Variants in NCR3LG1 observed in about 807,000 individuals in gnomAD.
NCR3LG1 encodes the protein natural killer cell cytotoxicity receptor 3 ligand 1.
NCR3LG1 carries 35 observed loss-of-function variants against 34.8 expected under a neutral mutation model. The observed-to-expected ratio is 1.01, with a 90% confidence interval of 0.77 to 1.33. The LOEUF (loss-of-function observed/expected upper bound fraction) is 1.33. Among genes scored for constraint, NCR3LG1 ranks in the 40% most tolerant of loss-of-function variants. The pLI is 0.00. For missense variants in NCR3LG1, 452 were observed against 423.3 expected (o/e 1.07, Z -0.60); for synonymous variants, 173 against 163.6 (o/e 1.06, Z -0.44).
intron 3 of NCR3LG1, among the ~76,000 whole-genome samples, chr11:17,368,347 G>T (rs1283876683): frequency 6.6e-6 from 1 of 152,134 alleles, no homozygotes; most frequent in Non-Finnish European, 1.5e-5. Context: ...GGGCTGAGAA[G>T]AGTAAGGAAG....
At chr11:17,369,107 G>T (rs781557278) in intron 4 of NCR3LG1, 143 bp downstream of exon 4, 3 of 605,750 alleles carry the variant, frequency 5.0e-6, no homozygotes, top group South Asian at 2.1e-5. Flanking sequence ...TCAGGTGTTG[G>T]GAATGTTGGC....
At chr11:17,361,789 A>G (rs1478053442) in intron 2 of NCR3LG1, among the ~76,000 whole-genome samples, 2 of 152,092 alleles carry the variant, frequency 1.3e-5, no homozygotes, top group Non-Finnish European at 2.9e-5. Flanking sequence ...TGTTAAAAAT[A>G]CAGTTTTATT....
intron 1 of NCR3LG1, among the ~76,000 whole-genome samples, chr11:17,354,231 A>G (rs1050435636): frequency 3.9e-5 from 6 of 152,374 alleles, no homozygotes; most frequent in Admixed American, 6.5e-5. Context: ...TGAAAAGATA[A>G]ATGCATAAAT....
At position 17,362,765 on chromosome 11, in the gene NCR3LG1, T is replaced by TTTCC. The variant is rs1564856537; in HGVS notation, c.422-4232_422-4229dup. On this transcript the variant is annotated intron_variant, in intron 2 of 4. Transcript: ENST00000338965. ...CTTTCTTTCTTTCTTTCTTTCTTTCTTTCCTTCCTTCCTTCTTTCCTTCTT... is the reference window on the plus strand; with the variant it reads ...CTTTCTTTCTTTCTTTCTTTCTTTCTTTCCTTCCTTCCTTCCTTCTTTCCTTCTT... 9.1e-4 allele frequency among the ~76,000 whole-genome samples: 98 copies of TTTCC among 107,188 alleles called. 2 individuals are homozygous for TTTCC. The highest frequency in any genetic ancestry group is 4.2e-3 in the Admixed American group (44 of 10,454). 70.3% of individuals were successfully genotyped at this position (107,188 alleles called of 152,430 possible). A position where few individuals can be genotyped will look rare whatever the true frequency, so the allele number is the denominator to read the frequency against.
intron 2 of NCR3LG1, among the ~76,000 whole-genome samples, chr11:17,357,974 A>G (rs879513830): frequency 8.5e-5 from 13 of 152,170 alleles, no homozygotes; most frequent in South Asian, 2.1e-4. Context: ...ATGTGCTGGC[A>G]TTACAGGGAT....
At chr11:17,353,277 G>A (rs1348571938) in intron 1 of NCR3LG1, among the ~76,000 whole-genome samples, 1 of 152,254 alleles carries the variant, frequency 6.6e-6, no homozygotes, top group Non-Finnish European at 1.5e-5. Context: ...GAGGGAAGTG[G>A]AAATAAAAAC....
Position 17,368,931 on chromosome 11 carries a change from G to T in NCR3LG1, c.825G>T (p.Leu275=), listed in dbSNP as rs1408534564. 8 of 1,534,624 alleles carry T rather than the reference G, an allele frequency of 5.2e-6. No individual in the cohort carries two copies. The highest frequency in any genetic ancestry group is 6.1e-6 in the Non-Finnish European group (7 of 1,145,754). The part of the protein sequence containing the change: ...WWPISFIGVG[L]VLLIVLIPWK... ...CTATTTCATTCATTGGTGTTGGACT[G>T]GTTTTATTAATTGTTTTGATTCCTT... Residue 275 remains leucine, a synonymous_variant, in exon 4 of 5, where the codon CTG becomes CTT. Transcript: ENST00000338965.
intron 1 of NCR3LG1, among the ~76,000 whole-genome samples, chr11:17,353,638 TGGA>T (rs1432231681): frequency 1.3e-5 from 2 of 152,022 alleles, no homozygotes; most frequent in African/African-American, 4.8e-5. Flanking sequence ...CTGGTGGTGG[TGGA>T]GAAGGGCCGC....
At position 17,375,383 on chromosome 11, in the gene NCR3LG1, A is replaced by G. The variant is rs1953464416; in HGVS notation, c.*2871A>G. 1 of 152,194 alleles carries G rather than the reference A, an allele frequency of 6.6e-6. No homozygotes were observed. The highest frequency in any genetic ancestry group is 6.5e-5 in the Admixed American group (1 of 15,278). The allele number at this position is 152,194 out of a possible 1,614,324, so 9.4% of individuals were successfully genotyped here. A position where few individuals can be genotyped will look rare whatever the true frequency, so the allele number is the denominator to read the frequency against. ...ATGGATGGGAGCTCTTTTGTAGGAC[A>G]GGGAGTCTGAAAAGTGGGATATGCA... On this transcript the variant is annotated 3_prime_UTR_variant, in exon 5 of 5. Coordinates refer to ENST00000338965, the MANE Select transcript of NCR3LG1 (RefSeq NM_001202439.3).
chr11:17,372,948 C>T lies in NCR3LG1; in HGVS notation c.*436C>T, dbSNP rs1343070745. The T allele has an allele frequency of 1.2e-5, 2 of 162,852 alleles. No individual in the cohort carries two copies. Among genetic ancestry groups the T allele is most frequent in the Non-Finnish European group, 2.7e-5 (2 of 74,296 alleles). The allele number at this position is 162,852 out of a possible 1,614,324, so 10.1% of individuals were successfully genotyped here. A position where few individuals can be genotyped will look rare whatever the true frequency, so the allele number is the denominator to read the frequency against. ...GGACCAGAGCCAAGCCTCTTAATTACCCCAAACTCTCCATGATAGATCAAA... is the reference window on the plus strand; with the variant it reads ...GGACCAGAGCCAAGCCTCTTAATTATCCCAAACTCTCCATGATAGATCAAA... On this transcript the variant is annotated 3_prime_UTR_variant, in exon 5 of 5. Coordinates refer to ENST00000338965, the MANE Select transcript of NCR3LG1 (RefSeq NM_001202439.3).
At chr11:17,352,153 C>A in intron 1 of NCR3LG1, 114 bp downstream of exon 1, 43 of 475,338 alleles carry the variant, frequency 9.0e-5, no homozygotes, top group Non-Finnish European at 1.5e-4. Context: ...GCTGAGAGCT[C>A]TATTTTCTTT....
chr11:17,381,021 T>G (rs1483203104), downstream of NCR3LG1: 1 of 152,244 alleles, frequency 6.6e-6, no homozygotes, highest in Non-Finnish European at 1.5e-5. Context: ...ATCAACTCCA[T>G]TAAGTGAGGA....
At position 17,367,353 on chromosome 11, in the gene NCR3LG1, G is replaced by A. The variant is rs1272889160; in HGVS notation, c.760+6G>A. The stretch of plus-strand genomic sequence containing the variant: ...TGCTCGGCACAGTCTTTCTGGTAAG[G>A]GTCTTTCTGGACATTTCTTCTCTTC... On this transcript the variant is annotated splice_donor_region_variant and intron_variant, in intron 3 of 4. Coordinates refer to ENST00000338965, the MANE Select transcript of NCR3LG1 (RefSeq NM_001202439.3). 1 of 1,525,458 alleles carries A rather than the reference G, an allele frequency of 6.6e-7. No homozygotes were observed. Among genetic ancestry groups the A allele is most frequent in the African/African-American group, 1.4e-5 (1 of 72,672 alleles). The allele number at this position is 1,525,458 out of a possible 1,614,324, so 94.5% of individuals were successfully genotyped here.
downstream of NCR3LG1, among the ~76,000 whole-genome samples, chr11:17,378,232 T>C (rs996815389): frequency 6.6e-6 from 1 of 152,098 alleles, no homozygotes; most frequent in African/African-American, 2.4e-5. Flanking sequence ...AAGAAGCATG[T>C]CACTTCTAGA....
intron 2 of NCR3LG1, among the ~76,000 whole-genome samples, chr11:17,360,979 C>T (rs1204609285): frequency 6.6e-6 from 1 of 151,924 alleles, no homozygotes; most frequent in Non-Finnish European, 1.5e-5. Context: ...CGAGTGATCT[C>T]CCCCGTCTCA....
intron 2 of NCR3LG1, among the ~76,000 whole-genome samples, chr11:17,361,234 C>T (rs1015337787): frequency 2.6e-5 from 4 of 151,626 alleles, no homozygotes; most frequent in Non-Finnish European, 5.9e-5. Context: ...AATGGCTTTC[C>T]GGGATTTTGA....
chr11:17,352,177 CTTTTT>C (rs34454730), intron 1 of NCR3LG1, 138 bp downstream of exon 1: 2,842 of 290,956 alleles, frequency 9.8e-3, no homozygotes, highest in Middle Eastern at 0.021. Flanking sequence ...ATTTCTTCTC[CTTTTT>C]TTTTTTTTTT....
Position 17,357,003 on chromosome 11 carries a change from T to G in NCR3LG1, c.421+2T>G. 1 of 1,507,084 alleles carries G rather than the reference T, an allele frequency of 6.6e-7. No individual in the cohort carries two copies. The highest frequency in any genetic ancestry group is 8.8e-7 in the Non-Finnish European group (1 of 1,130,212). 93.4% of individuals were successfully genotyped at this position (1,507,084 alleles called of 1,614,324 possible). On this transcript the variant is annotated splice_donor_variant, in intron 2 of 4. Coordinates refer to ENST00000338965, the MANE Select transcript of NCR3LG1 (RefSeq NM_001202439.3). LOFTEE classifies it high-confidence loss of function. ...GAACAGTCCAGCTTGAAGTTGTGGG[T>G]GAGTGTCTCGGGGCAGTGCCCTACA...
chr11:17,353,287 C>T (rs1238095139), intron 1 of NCR3LG1, among the ~76,000 whole-genome samples: 2 of 152,224 alleles, frequency 1.3e-5, no homozygotes, highest in East Asian at 3.8e-4. Context: ...GAAATAAAAA[C>T]GAGTGAATAG....
Sources: allele counts gnomAD v4.1 joint callset (sites outside exome capture counted in the v4.1 genomes callset), GRCh38; gene constraint gnomAD v4.1.1; transcripts MANE v1.5; gene names NCBI Gene and HGNC (gene_info 2026-07-23, HGNC 2026-07-21).